Variants in AK9 observed in about 807,000 individuals in gnomAD.
The protein encoded by AK9 is adenylate kinase 9.
AK9 carries 191 observed loss-of-function variants against 239.6 expected under a neutral mutation model. That is an observed-to-expected ratio of 0.80 (90% CI 0.71 to 0.90). The LOEUF is 0.90. Ranked by LOEUF, AK9 falls within the 40% of genes least tolerant of loss-of-function variation. The pLI, the probability that AK9 is intolerant of heterozygous loss-of-function variation, is 0.00. For missense variants in AK9, 1,995 were observed against 2,214.7 expected (o/e 0.90, Z 1.99); for synonymous variants, 689 against 721.0 (o/e 0.96, Z 0.71).
intron 29 of AK9, among the ~76,000 whole-genome samples, chr6:109,522,197 A>T (rs1779941875): frequency 1.3e-5 from 2 of 152,102 alleles, no homozygotes; most frequent in African/African-American, 4.8e-5. Flanking sequence ...TTTTAGAAAC[A>T]AGTAGGAGCT....
intron 17 of AK9, among the ~76,000 whole-genome samples, chr6:109,594,062 AG>A (rs1292347791): frequency 6.6e-6 from 1 of 152,256 alleles, no homozygotes; most frequent in Non-Finnish European, 1.5e-5. Context: ...ATAGGAAGAG[AG>A]GAAGCCAAAA....
At chr6:109,658,253 A>G (rs2128313844) in intron 7 of AK9, among the ~76,000 whole-genome samples, 1 of 152,266 alleles carries the variant, frequency 6.6e-6, no homozygotes, top group East Asian at 1.9e-4. Context: ...AGAAGCTACC[A>G]TTCTTCTCTC....
chr6:109,495,356 CA>C lies in AK9; in HGVS notation c.5399del (p.Leu1800CysfsTer13). 6.2e-7 allele frequency: 1 copy of C among 1,612,710 alleles called. No homozygotes were observed. The highest frequency in any genetic ancestry group is 1.1e-5 in the South Asian group (1 of 90,936). On this transcript the variant is annotated frameshift_variant, in exon 39 of 41. Transcript: ENST00000424296. LOFTEE classifies it high-confidence loss of function. ...REPILLTSLPLPGYLEQGIAT... is the reference protein window; with the variant it reads ...REPILLTSLPXPGYLEQGIAT... ...AAAGAACCTGTTCCAGATATCCAGG[CA>C]AAGGAAGACTAGTAAGAAGTATCGG...
intron 9 of AK9, among the ~76,000 whole-genome samples, 190 bp from the exon 10 acceptor site, chr6:109,641,806 T>C (rs1047868451): frequency 6.6e-6 from 1 of 152,232 alleles, no homozygotes; most frequent in Admixed American, 6.5e-5. Flanking sequence ...CTCCAATCTC[T>C]GCCTCTGTTG....
chr6:109,678,804 G>A (rs1476860739), intron 1 of AK9, among the ~76,000 whole-genome samples: 1 of 152,178 alleles, frequency 6.6e-6, no homozygotes, highest in Non-Finnish European at 1.5e-5. Context: ...AGCTCATGGA[G>A]GGTAAGCTGA....
chr6:109,638,481 A>G (rs1796989568), intron 10 of AK9, among the ~76,000 whole-genome samples: 2 of 151,848 alleles, frequency 1.3e-5, no homozygotes, highest in African/African-American at 4.8e-5. Context: ...TTTGTTTTTT[A>G]TTTTATTTTT....
intron 5 of AK9, among the ~76,000 whole-genome samples, chr6:109,670,975 A>G (rs560964718): frequency 6.6e-6 from 1 of 152,164 alleles, no homozygotes; most frequent in East Asian, 1.9e-4. Context: ...TATTATATAT[A>G]AAAACCCATA....
chr6:109,586,019 C>G lies in AK9; in HGVS notation c.1896G>C (p.Trp632Cys). 1.9e-6 allele frequency: 3 copies of G among 1,551,368 alleles called. No individual in the cohort carries two copies. The highest frequency in any genetic ancestry group is 2.6e-6 in the Non-Finnish European group (3 of 1,146,894). ...TTACAATAGGGCAGTTGTCCACAAT[C>G]CAGCCTCCATATTTTGGGGCACCAG... ...RFPGAPKYGG[W>C]IVDNCPIVKE... The change falls in exon 18 of 41, where the codon TGG becomes TGC. Residue 632 changes from tryptophan to cysteine, a missense_variant. Coordinates refer to ENST00000424296, the MANE Select transcript of AK9 (RefSeq NM_001145128.3).
At chr6:109,586,981 T>C (rs1481614595) in intron 17 of AK9, among the ~76,000 whole-genome samples, 2 of 152,104 alleles carry the variant, frequency 1.3e-5, no homozygotes, top group African/African-American at 4.8e-5. Flanking sequence ...ATCTGCTTTT[T>C]GATTTTTTTT....
At chr6:109,503,767 T>C (rs952255222) in intron 35 of AK9, among the ~76,000 whole-genome samples, 1 of 152,162 alleles carries the variant, frequency 6.6e-6, no homozygotes, top group East Asian at 1.9e-4. Context: ...CTGGCACTGA[T>C]TGCTCACAGC....
intron 8 of AK9, 31 bp downstream of exon 8, chr6:109,656,725 A>G (rs371381974): frequency 1.3e-6 from 2 of 1,542,736 alleles, no homozygotes; most frequent in Non-Finnish European, 1.8e-6. Context: ...AAATATCAAT[A>G]TTCATTTTCA....
In AK9 at chr6:109,509,101, A is replaced by T. The variant is rs931979388; in HGVS notation, c.4481+78T>A. On this transcript the variant is annotated intron_variant, in intron 33 of 40. Coordinates refer to ENST00000424296, the MANE Select transcript of AK9 (RefSeq NM_001145128.3). ...TTATAAGAGCTTTAAGCCCCATGTA[A>T]GTGTTTTAAATCACGAGCGAGCAGT... The T allele has an allele frequency of 8.4e-5, 114 of 1,353,970 alleles. 1 individual carries two copies. In the Admixed American group the frequency reaches 1.6e-3, roughly 19 times the overall value. The allele number at this position is 1,353,970 out of a possible 1,614,324, so 83.9% of individuals were successfully genotyped here.
chr6:109,622,928 G>A (rs1052871307), intron 12 of AK9, among the ~76,000 whole-genome samples: 1 of 152,058 alleles, frequency 6.6e-6, no homozygotes, highest in South Asian at 2.1e-4. Context: ...AGCAGTCTAT[G>A]AGAATGTACT....
chr6:109,641,226 T>C (rs943606635), intron 10 of AK9, among the ~76,000 whole-genome samples: 2 of 149,524 alleles, frequency 1.3e-5, no homozygotes, highest in African/African-American at 4.9e-5. Flanking sequence ...TGGAGTGCAA[T>C]GGCATGATCA....
intron 12 of AK9, among the ~76,000 whole-genome samples, chr6:109,621,902 A>G (rs1409427106): frequency 1.0e-5 from 1 of 98,486 alleles, no homozygotes; most frequent in Non-Finnish European, 2.0e-5. Context: ...TTAAAAAAAA[A>G]AAAAAAAAAA....
At chr6:109,599,490 G>C (rs1054878229) in intron 17 of AK9, among the ~76,000 whole-genome samples, 4 of 152,210 alleles carry the variant, frequency 2.6e-5, no homozygotes, top group Admixed American at 1.3e-4. Context: ...TTGTAGTATA[G>C]TTTGAAGTCA....
chr6:109,649,049 T>C (rs1164161229), intron 8 of AK9, among the ~76,000 whole-genome samples: 5 of 152,260 alleles, frequency 3.3e-5, no homozygotes, highest in African/African-American at 1.2e-4. Context: ...CAACCGTTCA[T>C]GCTAAAAACT....
At chr6:109,546,509 C>G (rs1582941069) in intron 25 of AK9, among the ~76,000 whole-genome samples, 1 of 152,294 alleles carries the variant, frequency 6.6e-6, no homozygotes, top group East Asian at 1.9e-4. Context: ...AAATTTACAG[C>G]CTTCTCCATT....
chr6:109,509,807 C>T (rs1208540783), intron 32 of AK9, among the ~76,000 whole-genome samples: 6 of 152,118 alleles, frequency 3.9e-5, no homozygotes, highest in African/African-American at 1.4e-4. Flanking sequence ...AACCCTGCCC[C>T]TTGTGAGTTG....
Sources: allele counts gnomAD v4.1 joint callset (sites outside exome capture counted in the v4.1 genomes callset), GRCh38; gene constraint gnomAD v4.1.1; transcripts MANE v1.5; gene names NCBI Gene and HGNC (gene_info 2026-07-23, HGNC 2026-07-21).